Variants in WNK3 observed in about 807,000 individuals in gnomAD.
The protein encoded by WNK3 is serine/threonine-protein kinase WNK3.
In WNK3, 18 loss-of-function variants were observed where a neutral mutation model predicts 116.7. The ratio of observed to expected loss-of-function variants is 0.15; its 90% CI spans 0.11 to 0.23. The LOEUF (loss-of-function observed/expected upper bound fraction) is 0.23. Ranked by LOEUF, WNK3 falls within the 10% of genes least tolerant of loss-of-function variation. The pLI is 1.00. For missense variants in WNK3, 993 were observed against 1,323.8 expected (o/e 0.75, Z 3.88); for synonymous variants, 404 against 469.4 (o/e 0.86, Z 1.80).
exon 17 of WNK3, chrX:54,249,128 C>A (rs782716330): frequency 8.3e-7 from 1 of 1,211,616 alleles, no homozygotes; most frequent in Admixed American, 2.2e-5. Context: ...GTGGGAATGA[C>A]TGTCTTAGGA....
intron 2 of WNK3, among the ~76,000 whole-genome samples, chrX:54,327,922 C>G (rs1244092420): frequency 6.5e-5 from 7 of 108,448 alleles, no homozygotes; most frequent in African/African-American, 2.0e-4. Context: ...GAGCTGTGAT[C>G]ATTACCACTG....
intron 11 of WNK3, among the ~76,000 whole-genome samples, chrX:54,256,706 TATA>T (rs2068196264): frequency 8.9e-6 from 1 of 112,446 alleles, no homozygotes; most frequent in Non-Finnish European, 1.9e-5. Flanking sequence ...ATGAAGCATC[TATA>T]TATAGATGTA....
At chrX:54,254,596 G>A (rs2068170614) in intron 12 of WNK3, among the ~76,000 whole-genome samples, 1 of 111,459 alleles carries the variant, frequency 9.0e-6, no homozygotes, top group Admixed American at 9.6e-5. Flanking sequence ...AAAGATTTAT[G>A]TTCAAGGATT....
chrX:54,319,599 T>C (rs1488489442), intron 2 of WNK3, among the ~76,000 whole-genome samples: 4 of 112,392 alleles, frequency 3.6e-5, no homozygotes, highest in Non-Finnish European at 5.6e-5. Context: ...TAAACAACTT[T>C]ACAAAATTAC....
At chrX:54,316,904 T>C (rs1003441647) in intron 2 of WNK3, among the ~76,000 whole-genome samples, 4 of 111,608 alleles carry the variant, frequency 3.6e-5, no homozygotes, top group Non-Finnish European at 5.6e-5. Flanking sequence ...ATATTAAACA[T>C]AGAATTATCA....
chrX:54,335,508 T>C (rs1184043372), intron 1 of WNK3, among the ~76,000 whole-genome samples: 3 of 111,599 alleles, frequency 2.7e-5, no homozygotes, highest in Admixed American at 9.7e-5. Context: ...ACCACAATCA[T>C]GCACTGCAAA....
intron 22 of WNK3, among the ~76,000 whole-genome samples, chrX:54,206,004 CTGCATTATTTCTATCTCTTATCCT>C (rs2067550397): frequency 8.9e-6 from 1 of 111,986 alleles, no homozygotes; most frequent in Admixed American, 9.6e-5. Flanking sequence ...GATCACTCCA[CTGCATTATTTCTATCTCTTATCCT>C]ATACCTTGAT....
At chrX:54,320,081 TAGG>T (rs1315030432) in intron 2 of WNK3, among the ~76,000 whole-genome samples, 1 of 111,984 alleles carries the variant, frequency 8.9e-6, no homozygotes, top group Non-Finnish European at 1.9e-5. Context: ...AGCTGATAAA[TAGG>T]AGTCAAATAC....
intron 10 of WNK3, among the ~76,000 whole-genome samples, chrX:54,290,263 G>A (rs983452813): frequency 1.7e-4 from 17 of 102,539 alleles, no homozygotes; most frequent in Non-Finnish European, 2.5e-4. Context: ...GTGACAGAGT[G>A]AGACTCTGTC....
intron 6 of WNK3, among the ~76,000 whole-genome samples, chrX:54,299,531 T>G (rs1557167055): frequency 9.5e-6 from 1 of 105,356 alleles, no homozygotes; most frequent in African/African-American, 3.5e-5. Flanking sequence ...TTCAAGCAAT[T>G]TTCCTGCCTC....
At chrX:54,287,715 A>C (rs1557164199) in intron 10 of WNK3, among the ~76,000 whole-genome samples, 1 of 111,540 alleles carries the variant, frequency 9.0e-6, no homozygotes, top group Admixed American at 9.6e-5. Context: ...CAGATGAGAA[A>C]ATTTAGAAAA....
At chrX:54,295,594 T>G (rs1005834404) in intron 7 of WNK3, among the ~76,000 whole-genome samples, 7 of 112,179 alleles carry the variant, frequency 6.2e-5, no homozygotes, top group Admixed American at 9.5e-5. Flanking sequence ...GGACATAACT[T>G]AACTTGAAAT....
chrX:54,346,624 AAAG>A (rs1468221412), intron 1 of WNK3, among the ~76,000 whole-genome samples: 1 of 107,970 alleles, frequency 9.3e-6, no homozygotes, highest in Non-Finnish European at 1.9e-5. Context: ...AAAAAAAAAA[AAAG>A]AACACATGCC....
In WNK3 at chrX:54,314,204, CA is replaced by C. The variant is rs1302269954; in HGVS notation, c.538-2914del. 4.7e-3 allele frequency among the ~76,000 whole-genome samples: 368 copies of C among 78,310 alleles called. 2 individuals are homozygous for C. Among genetic ancestry groups the C allele is most frequent in the African/African-American group, 0.015 (319 of 21,469 alleles). The allele number at this position is 78,310 out of a possible 115,157, so 68.0% of individuals were successfully genotyped here. A position where few individuals can be genotyped will look rare whatever the true frequency, so the allele number is the denominator to read the frequency against. ...TGAGACTCTGTCTCAAAAAAAAAAA[CA>C]AAAAAAAAAAAAACAAAACACATTG... On this transcript the variant is annotated intron_variant, in intron 2 of 23. Coordinates refer to ENST00000354646, the Ensembl canonical transcript of WNK3.
chrX:54,251,554 G>T, exon 14 of WNK3: 2 of 1,210,973 alleles, frequency 1.7e-6, no homozygotes, highest in Non-Finnish European at 2.2e-6. Flanking sequence ...GGAGTCCACA[G>T]TAATAGAATC....
chrX:54,234,783 G>A (rs1468979710), intron 20 of WNK3, among the ~76,000 whole-genome samples: 1 of 102,618 alleles, frequency 9.7e-6, no homozygotes, highest in Non-Finnish European at 2.0e-5. Flanking sequence ...CCGAGATCAC[G>A]CCACTGCACT....
At chrX:54,302,699 T>TTCTCTCTC (rs782673409) in intron 5 of WNK3, among the ~76,000 whole-genome samples, 280 of 23,234 alleles carry the variant, frequency 0.012, 2 homozygotes, top group Middle Eastern at 0.043. Flanking sequence ...AACATTCCAA[T>TTCTCTCTC]TCTCTCTCTC....
chrX:54,204,872 C>T (rs1449501774), intron 22 of WNK3, among the ~76,000 whole-genome samples: 1 of 112,438 alleles, frequency 8.9e-6, no homozygotes, highest in African/African-American at 3.2e-5. Context: ...ATCCCTTCAG[C>T]TTCTAAAGCA....
intron 22 of WNK3, among the ~76,000 whole-genome samples, chrX:54,205,052 C>T (rs940162296): frequency 1.3e-4 from 15 of 111,617 alleles, no homozygotes; most frequent in African/African-American, 4.6e-4. Flanking sequence ...CCCGTCTCTA[C>T]CAAAAATACA....
Sources: gnomAD v4.1 joint callset for allele counts (sites outside exome capture counted in the v4.1 genomes callset) on GRCh38, gnomAD v4.1.1 for gene constraint, MANE v1.5 for transcripts, NCBI Gene and HGNC (gene_info 2026-07-23, HGNC 2026-07-21) for gene names.